Variants in C14orf93 observed in about 807,000 individuals in gnomAD.
C14orf93 encodes the protein chromosome 14 open reading frame 93, also known as uncharacterized protein C14orf93.
A neutral mutation model predicts 44.0 loss-of-function variants in C14orf93; 23 were observed. That is an observed-to-expected ratio of 0.52 (90% CI 0.38 to 0.74). C14orf93 has a LOEUF of 0.74. C14orf93 is among the 30% of genes least tolerant of loss of function. C14orf93 has a pLI of 0.00. For missense variants in C14orf93, 579 were observed against 678.9 expected (o/e 0.85, Z 1.64); for synonymous variants, 253 against 265.7 (o/e 0.95, Z 0.46).
chr14:23,000,067 G>T (rs1330982225), intron 1 of C14orf93: 1 of 152,138 alleles, frequency 6.6e-6, no homozygotes, highest in Non-Finnish European at 1.5e-5. Context: ...CTCCTTAAGG[G>T]TGGATCCAAA....
At chr14:22,994,920 C>T (rs887530086) in intron 3 of C14orf93, among the ~76,000 whole-genome samples, 2 of 152,116 alleles carry the variant, frequency 1.3e-5, no homozygotes, top group Admixed American at 1.3e-4. Context: ...CATTCTCCTT[C>T]CCCTGCCCCC....
intron 3 of C14orf93, among the ~76,000 whole-genome samples, chr14:22,995,277 C>T (rs2045899601): frequency 6.6e-6 from 1 of 152,204 alleles, no homozygotes; most frequent in Admixed American, 6.5e-5. Flanking sequence ...CCCAAGGTGC[C>T]CCTTGTCACT....
chr14:23,004,602 T>A lies in C14orf93; in HGVS notation c.-379-5200A>T, dbSNP rs1192814602. ...ATGGGAATGTCTAAAGAATATGGGA[T>A]GTTCTAAACATGGACTATCTAAAAA... On this transcript the variant is annotated intron_variant, in intron 1 of 6. Coordinates refer to ENST00000299088, the MANE Select transcript of C14orf93 (RefSeq NM_021944.4). 2.0e-5 allele frequency among the ~76,000 whole-genome samples: 3 copies of A among 152,184 alleles called. No homozygotes were observed. In the East Asian group the frequency reaches 5.8e-4, roughly 29 times the overall value.
At chr14:22,997,007 A>ACC (rs966489143) in intron 2 of C14orf93, among the ~76,000 whole-genome samples, 3 of 151,768 alleles carry the variant, frequency 2.0e-5, no homozygotes, top group African/African-American at 7.3e-5. Context: ...ACACACACAC[A>ACC]CACAGAAAGA....
At position 22,996,379 on chromosome 14, in the gene C14orf93, C is replaced by T. The variant is rs1245175186; in HGVS notation, c.598-111G>A. The T allele has an allele frequency of 9.3e-7, 1 of 1,071,530 alleles. No individual in the cohort carries two copies. The highest frequency in any genetic ancestry group is 1.3e-6 in the Non-Finnish European group (1 of 762,996). The allele number at this position is 1,071,530 out of a possible 1,614,324, so 66.4% of individuals were successfully genotyped here. A position where few individuals can be genotyped will look rare whatever the true frequency, so the allele number is the denominator to read the frequency against. On this transcript the variant is annotated intron_variant, in intron 2 of 6. Coordinates refer to ENST00000299088, the MANE Select transcript of C14orf93 (RefSeq NM_021944.4). The surrounding 1 kb of genome is among the most constrained non-coding windows in gnomAD (Gnocchi z 4.1). ...ACAGAAAGTGGAAAGAAGGGGAACT[C>T]TAGCACAGTCTTTAATGGTCAATGG...
intron 1 of C14orf93, chr14:23,006,010 T>A (rs1365464807): frequency 1.3e-5 from 2 of 152,236 alleles, no homozygotes; most frequent in Non-Finnish European, 2.9e-5. Flanking sequence ...ATTTAATAGA[T>A]GTGTATGATA....
At chr14:22,999,939 T>C (rs1365980353) in intron 1 of C14orf93, 1 of 152,216 alleles carries the variant, frequency 6.6e-6, no homozygotes, top group Non-Finnish European at 1.5e-5. Flanking sequence ...CAGCCCCCTT[T>C]CCCACATAGT....
intron 2 of C14orf93, chr14:22,998,197 G>C: frequency 2.0e-6 from 1 of 503,986 alleles, no homozygotes. Flanking sequence ...GAGAGGGAAG[G>C]GCACCCCATC....
chr14:22,989,364 G>A (rs2045448278), intron 5 of C14orf93, among the ~76,000 whole-genome samples: 2 of 152,164 alleles, frequency 1.3e-5, no homozygotes, highest in African/African-American at 4.8e-5. Flanking sequence ...AGAGAGCAAG[G>A]AAAGAGAAAG....
intron 5 of C14orf93, 79 bp downstream of exon 5, chr14:22,989,663 C>G: frequency 9.4e-7 from 1 of 1,058,278 alleles, no homozygotes; most frequent in South Asian, 1.3e-5. Flanking sequence ...TATTATTCCT[C>G]TTCTCCTCTG....
rs2046146748 is a variant in C14orf93 at position 22,998,805 on chromosome 14, C to T, written c.219G>A (p.Val73=). The stretch of plus-strand genomic sequence containing the variant: ...GACCCAGAGCAGCTTCAGCCAAACC[C>T]ACTGCCTTATCGACCCGCTGGTAGA... ...HVIYQRVDKA[V]GLAEAALGLA... Residue 73 remains valine (V), a synonymous_variant, in exon 2 of 7, where the codon GTG becomes GTA. Coordinates refer to ENST00000299088, the MANE Select transcript of C14orf93 (RefSeq NM_021944.4). The T allele has an allele frequency of 1.2e-6, 2 of 1,614,188 alleles. No homozygotes were observed. The highest frequency in any genetic ancestry group is 1.7e-6 in the Non-Finnish European group (2 of 1,180,038).
intron 1 of C14orf93, among the ~76,000 whole-genome samples, chr14:23,001,839 TAAAAAAAA>T (rs780256403): frequency 6.7e-5 from 4 of 59,552 alleles, no homozygotes; most frequent in African/African-American, 1.5e-4. Context: ...TACTGCAGGT[TAAAAAAAA>T]AAAAAAAAAA....
intron 3 of C14orf93, among the ~76,000 whole-genome samples, chr14:22,991,523 G>T (rs1195425656): frequency 3.3e-5 from 5 of 151,260 alleles, no homozygotes; most frequent in African/African-American, 7.3e-5. Context: ...GGGATTACAG[G>T]TGTGAGCCAC....
At chr14:23,001,914 C>T (rs1390639031) in intron 1 of C14orf93, among the ~76,000 whole-genome samples, 11 of 147,042 alleles carry the variant, frequency 7.5e-5, no homozygotes, top group South Asian at 2.1e-4. Context: ...TTTGGGAGGC[C>T]GAGGCCGGCG....
intron 1 of C14orf93, chr14:23,009,868 T>C (rs1191350925): frequency 1.3e-5 from 2 of 151,920 alleles, no homozygotes; most frequent in African/African-American, 4.8e-5. Flanking sequence ...AAAAAAACTA[T>C]AAATTTGGCC....
chr14:23,003,866 AT>A (rs2046437415), intron 1 of C14orf93, among the ~76,000 whole-genome samples: 1 of 10,178 alleles, frequency 9.8e-5, no homozygotes, highest in Non-Finnish European at 1.6e-4. Context: ...TCATATATAT[AT>A]ATATATATAT....
At chr14:22,998,140 A>G (rs1260332822) in intron 2 of C14orf93, 3 of 369,750 alleles carry the variant, frequency 8.1e-6, no homozygotes, top group Non-Finnish European at 1.4e-5. Flanking sequence ...TCCATGGAGC[A>G]GCCGAGACAG....
chr14:23,003,857 CATATATATATATAT>C (rs1176882717), intron 1 of C14orf93, among the ~76,000 whole-genome samples: 482 of 18,982 alleles, frequency 0.025, 12 homozygotes, highest in South Asian at 0.074. Context: ...CTAATATATT[CATATATATATATAT>C]ATATATATAT....
intron 1 of C14orf93, among the ~76,000 whole-genome samples, chr14:23,002,054 CAGG>C (rs2046332902): frequency 6.8e-6 from 1 of 147,674 alleles, no homozygotes. Context: ...GAGGCTGAGG[CAGG>C]AGAATGGCGT....
Sources: gnomAD v4.1 joint callset for allele counts (sites outside exome capture counted in the v4.1 genomes callset) on GRCh38, gnomAD v4.1.1 for gene constraint, Gnocchi (gnomAD v3.1) non-coding constraint, MANE v1.5 for transcripts, NCBI Gene and HGNC (gene_info 2026-07-23, HGNC 2026-07-21) for gene names.